CIMIP6: variants seen among roughly 807,000 people sequenced by gnomAD.
CIMIP6 encodes uncharacterized protein C2orf73.
the CIMIP6 span, among the ~76,000 whole-genome samples, chr2:54,333,897 G>GA: frequency 6.6e-6 from 1 of 151,760 alleles, no homozygotes; most frequent in East Asian, 1.9e-4. Flanking sequence ...TCTCAAAAAG[G>GA]AAAAAAAGAA....
chr2:54,332,471 TATTCTC>T, the CIMIP6 span, among the ~76,000 whole-genome samples: 26 of 152,336 alleles, frequency 1.7e-4, no homozygotes, highest in Non-Finnish European at 3.1e-4. Context: ...TATTCAATGT[TATTCTC>T]ATATCTCTTA....
At chr2:54,372,131 A>C in the CIMIP6 span, among the ~76,000 whole-genome samples, 1 of 152,190 alleles carries the variant, frequency 6.6e-6, no homozygotes, top group Non-Finnish European at 1.5e-5. Flanking sequence ...ATGGGACAGC[A>C]GATAAAGAAT....
At chr2:54,348,216 G>T in the CIMIP6 span, among the ~76,000 whole-genome samples, 1 of 152,270 alleles carries the variant, frequency 6.6e-6, no homozygotes, top group African/African-American at 2.4e-5. Flanking sequence ...CTCAATTTAT[G>T]AAGTGAGAAT....
chr2:54,343,268 G>A, the CIMIP6 span, among the ~76,000 whole-genome samples: 1 of 152,100 alleles, frequency 6.6e-6, no homozygotes, highest in Non-Finnish European at 1.5e-5. Context: ...GACATAAAAT[G>A]TATTTCATGG....
chr2:54,380,661 G>C, the CIMIP6 span, among the ~76,000 whole-genome samples: 1 of 152,192 alleles, frequency 6.6e-6, no homozygotes, highest in African/African-American at 2.4e-5. Flanking sequence ...CCTAACTGCA[G>C]GGCCACATGA....
chr2:54,360,973 T>C, the CIMIP6 span: 1 of 154,756 alleles, frequency 6.5e-6, no homozygotes, highest in Non-Finnish European at 1.4e-5. Context: ...AGACTTCAGT[T>C]TTCTCAACTG....
At chr2:54,359,914 A>C in the CIMIP6 span, among the ~76,000 whole-genome samples, 1 of 152,248 alleles carries the variant, frequency 6.6e-6, no homozygotes, top group Non-Finnish European at 1.5e-5. Flanking sequence ...GAATAGTCTT[A>C]AACAGTCCAA....
At chr2:54,338,661 A>G in the CIMIP6 span, among the ~76,000 whole-genome samples, 2 of 75,064 alleles carry the variant, frequency 2.7e-5, 1 homozygote, top group South Asian at 6.1e-4. Context: ...TTGCCTAAAT[A>G]TTTTAAATGA....
chr2:54,353,038 T>C, the CIMIP6 span, among the ~76,000 whole-genome samples: 2 of 152,214 alleles, frequency 1.3e-5, no homozygotes, highest in Admixed American at 6.5e-5. Context: ...TGATGACAGA[T>C]TTTGCTTTAC....
At chr2:54,371,198 C>T in the CIMIP6 span, among the ~76,000 whole-genome samples, 100 of 152,290 alleles carry the variant, frequency 6.6e-4, no homozygotes, top group African/African-American at 2.3e-3. Flanking sequence ...TGCTCTATTT[C>T]CTTGCTTGAT....
chr2:54,379,908 T>C, the CIMIP6 span, among the ~76,000 whole-genome samples: 1 of 146,322 alleles, frequency 6.8e-6, no homozygotes, highest in Non-Finnish European at 1.5e-5. Flanking sequence ...ACCCAGGAGG[T>C]GGAGGTTACA....
the CIMIP6 span, among the ~76,000 whole-genome samples, chr2:54,348,426 C>G: frequency 6.6e-6 from 1 of 152,028 alleles, no homozygotes; most frequent in South Asian, 2.1e-4. Flanking sequence ...CTTTTTCTTT[C>G]TCTGTTCTTT....
chr2:54,343,789 C>T, the CIMIP6 span: 3 of 1,612,876 alleles, frequency 1.9e-6, no homozygotes, highest in Non-Finnish European at 8.5e-7. Flanking sequence ...TAAGAGCACC[C>T]AGAGGAGTGA....
At chr2:54,355,417 G>C in the CIMIP6 span, among the ~76,000 whole-genome samples, 1 of 152,048 alleles carries the variant, frequency 6.6e-6, no homozygotes, top group African/African-American at 2.4e-5. Context: ...CCTCCTTAAA[G>C]TTTTGCATCC....
the CIMIP6 span, among the ~76,000 whole-genome samples, chr2:54,373,423 C>T: frequency 6.6e-6 from 1 of 152,128 alleles, no homozygotes; most frequent in African/African-American, 2.4e-5. Context: ...TCCAACCCCG[C>T]AGCACAAATA....
chr2:54,364,028 T>C, the CIMIP6 span, among the ~76,000 whole-genome samples: 2 of 152,324 alleles, frequency 1.3e-5, no homozygotes, highest in Admixed American at 6.5e-5. Context: ...TGCATTAAGA[T>C]AAAAAGTTTA....
At chr2:54,374,985 G>A in the CIMIP6 span, among the ~76,000 whole-genome samples, 13 of 152,236 alleles carry the variant, frequency 8.5e-5, no homozygotes, top group East Asian at 2.1e-3. Flanking sequence ...AATATCTAGT[G>A]CAGTATTAAT....
At chr2:54,332,255 C>T in the CIMIP6 span, among the ~76,000 whole-genome samples, 3 of 152,198 alleles carry the variant, frequency 2.0e-5, no homozygotes, top group South Asian at 2.1e-4. Flanking sequence ...CTACCTCCTA[C>T]ATACATACAC....
chr2:54,367,627 T>C, the CIMIP6 span, among the ~76,000 whole-genome samples: 1 of 152,006 alleles, frequency 6.6e-6, no homozygotes, highest in Admixed American at 6.6e-5. Context: ...TAGGAAAGGG[T>C]ATGCTATAAA....
Sources: allele counts gnomAD v4.1 joint callset (sites outside exome capture counted in the v4.1 genomes callset), GRCh38; gene constraint gnomAD v4.1.1; transcripts MANE v1.5; gene names NCBI Gene and HGNC (gene_info 2026-07-23, HGNC 2026-07-21).